The following FHIT variants were observed in gnomAD, a reference collection of about 807,000 sequenced individuals.
FHIT encodes bis(5'-adenosyl)-triphosphatase.
A neutral mutation model predicts 17.9 loss-of-function variants in FHIT; 19 were observed. The ratio of observed to expected loss-of-function variants is 1.06; its 90% confidence interval spans 0.74 to 1.56. The LOEUF (loss-of-function observed/expected upper bound fraction) is 1.56, where lower values mean the gene tolerates loss of function less well. Among genes scored for constraint, FHIT ranks in the 40% most tolerant of loss-of-function variants. The pLI, the probability that FHIT is intolerant of heterozygous loss-of-function variation, is 0.00. For missense variants in FHIT, 248 were observed against 189.2 expected, an observed-to-expected ratio of 1.31 and a Z score of -1.82; for synonymous variants, 81 against 69.7, an observed-to-expected ratio of 1.16 and a Z score of -0.81.
chr3:60,815,060 G>C (rs1268942214), intron 4 of FHIT, among the ~76,000 whole-genome samples: 1 of 151,690 alleles, frequency 6.6e-6, no homozygotes, highest in African/African-American at 2.4e-5. Flanking sequence ...AGAAGTTTCT[G>C]TTCATGTCTT....
chr3:59,966,367 A>G (rs1439809842), intron 7 of FHIT, among the ~76,000 whole-genome samples: 1 of 152,192 alleles, frequency 6.6e-6, no homozygotes, highest in Non-Finnish European at 1.5e-5. Context: ...TAAATACTGT[A>G]TAAGAATAAA....
intron 8 of FHIT, among the ~76,000 whole-genome samples, chr3:59,890,252 T>C (rs1703798734): frequency 6.6e-6 from 1 of 152,070 alleles, no homozygotes; most frequent in Non-Finnish European, 1.5e-5. Context: ...GGGGACTCCA[T>C]GGTGGGAATT....
chr3:60,497,510 CTATAAA>C (rs1188078180), intron 5 of FHIT, among the ~76,000 whole-genome samples: 2 of 152,162 alleles, frequency 1.3e-5, no homozygotes, highest in Non-Finnish European at 2.9e-5. Context: ...TAGCCTATTT[CTATAAA>C]TATATCTTTG....
intron 1 of FHIT, among the ~76,000 whole-genome samples, chr3:61,229,109 C>A (rs2106863489): frequency 6.6e-6 from 1 of 152,184 alleles, no homozygotes; most frequent in African/African-American, 2.4e-5. Context: ...TGTGTCAAAT[C>A]CCTGGAGCCT....
intron 5 of FHIT, among the ~76,000 whole-genome samples, chr3:60,396,339 G>A (rs1701438549): frequency 6.6e-6 from 1 of 152,142 alleles, no homozygotes; most frequent in Non-Finnish European, 1.5e-5. Context: ...AACGTTAGGG[G>A]AAGGAGTAAA....
At chr3:60,152,064 G>T (rs190925120) in intron 5 of FHIT, among the ~76,000 whole-genome samples, 3 of 152,224 alleles carry the variant, frequency 2.0e-5, no homozygotes, top group African/African-American at 7.2e-5. Flanking sequence ...ATCAATAAAT[G>T]AATCTTCCAA....
chr3:61,204,784 T>C (rs1485737640), intron 1 of FHIT, among the ~76,000 whole-genome samples: 1 of 152,152 alleles, frequency 6.6e-6, no homozygotes, highest in Non-Finnish European at 1.5e-5. Flanking sequence ...TGACGAAAGT[T>C]AGCAATAATA....
chr3:60,437,440 T>C (rs1432112859), intron 5 of FHIT, among the ~76,000 whole-genome samples: 1 of 152,112 alleles, frequency 6.6e-6, no homozygotes. Context: ...AAAGCTCCAT[T>C]TATCATTCAT....
At chr3:59,893,725 C>T (rs1575654701) in intron 8 of FHIT, among the ~76,000 whole-genome samples, 1 of 152,222 alleles carries the variant, frequency 6.6e-6, no homozygotes, top group African/African-American at 2.4e-5. Context: ...CATTTTCCCC[C>T]TTGCTTTCAG....
chr3:60,774,320 G>T (rs1404669024), intron 4 of FHIT, among the ~76,000 whole-genome samples: 12 of 152,026 alleles, frequency 7.9e-5, no homozygotes, highest in Admixed American at 7.9e-4. Flanking sequence ...TTCTTTTTGA[G>T]ATGGAGTTCC....
intron 3 of FHIT, among the ~76,000 whole-genome samples, chr3:60,948,224 C>T (rs1282760961): frequency 1.3e-5 from 2 of 152,120 alleles, no homozygotes; most frequent in Non-Finnish European, 2.9e-5. Flanking sequence ...ATTAACCTTG[C>T]TTCTGAACTC....
At chr3:60,411,056 C>T (rs1702042555) in intron 5 of FHIT, among the ~76,000 whole-genome samples, 1 of 149,900 alleles carries the variant, frequency 6.7e-6, no homozygotes, top group South Asian at 2.1e-4. Flanking sequence ...AAGCATTAAC[C>T]CCTTATACCT....
intron 3 of FHIT, among the ~76,000 whole-genome samples, chr3:60,902,873 C>T (rs1190239335): frequency 6.6e-6 from 1 of 152,146 alleles, no homozygotes; most frequent in Non-Finnish European, 1.5e-5. Context: ...AATCTCTTGA[C>T]TCTACAGCAT....
rs548353274 is a variant in FHIT at position 60,528,422 on chromosome 3, AAAGGAAGGAAGGAAAAAAGG to A, written c.103+8418_103+8437del. Among the ~76,000 whole-genome samples the A allele has an allele frequency of 5.8e-3, 768 of 131,442 alleles. 3 individuals are homozygous for A. The highest frequency in any genetic ancestry group is 0.025 in the Middle Eastern group (7 of 276). The allele number at this position is 131,442 out of a possible 152,430, so 86.2% of individuals were successfully genotyped here. ...CCAAACACATATACAAAAGGAAAAG[AAAGGAAGGAAGGAAAAAAGG>A]AAGGAAGGAAGGAAGGAAATTGCCT... On this transcript the variant is annotated intron_variant, in intron 5 of 9. Transcript: ENST00000492590.
At chr3:59,876,845 A>G (rs961614788) in intron 8 of FHIT, among the ~76,000 whole-genome samples, 1 of 152,168 alleles carries the variant, frequency 6.6e-6, no homozygotes. Flanking sequence ...CTTCTTGGGA[A>G]GCTAATCTTA....
At chr3:60,444,072 GC>G (rs1428214629) in intron 5 of FHIT, among the ~76,000 whole-genome samples, 6 of 152,240 alleles carry the variant, frequency 3.9e-5, no homozygotes, top group African/African-American at 1.4e-4. Flanking sequence ...CATTTATGCA[GC>G]CAAAAGACAC....
chr3:60,338,473 C>T (rs1710353547), intron 5 of FHIT, among the ~76,000 whole-genome samples: 1 of 152,166 alleles, frequency 6.6e-6, no homozygotes, highest in African/African-American at 2.4e-5. Flanking sequence ...TGATTATAGG[C>T]ATGCGCCACC....
chr3:60,325,983 A>G (rs1280652668), intron 5 of FHIT, among the ~76,000 whole-genome samples: 4 of 152,186 alleles, frequency 2.6e-5, no homozygotes, highest in Non-Finnish European at 5.9e-5. Context: ...TGCAAATACT[A>G]TCAAGCGAGG....
chr3:60,279,381 T>C (rs988034585), intron 5 of FHIT, among the ~76,000 whole-genome samples: 5 of 152,194 alleles, frequency 3.3e-5, no homozygotes, highest in Non-Finnish European at 7.3e-5. Context: ...GTTATATCTA[T>C]ATCTGTATCT....
Sources: gnomAD v4.1 joint callset for allele counts (sites outside exome capture counted in the v4.1 genomes callset) on GRCh38, gnomAD v4.1.1 for gene constraint, MANE v1.5 for transcripts, NCBI Gene and HGNC (gene_info 2026-07-23, HGNC 2026-07-21) for gene names.